FGF14: variants seen among roughly 807,000 people sequenced by gnomAD.
The protein encoded by FGF14 is fibroblast growth factor homologous factor 4.
FGF14 carries 5 observed loss-of-function variants against 25.5 expected under a neutral mutation model. The ratio of observed to expected loss-of-function variants is 0.20; its 90% CI spans 0.10 to 0.41. The LOEUF is 0.41. Among genes scored for constraint, FGF14 ranks in the 10% least tolerant of loss-of-function variants. The pLI is 1.00. For missense variants in FGF14, 222 were observed against 320.1 expected (o/e 0.69, Z 2.34); for synonymous variants, 138 against 118.3 (o/e 1.17, Z -1.08).
intron 1 of FGF14, among the ~76,000 whole-genome samples, chr13:101,979,597 C>CATAAGGG (rs1401253519): frequency 6.6e-6 from 1 of 152,214 alleles, no homozygotes; most frequent in Non-Finnish European, 1.5e-5. Flanking sequence ...ATTGCACAAC[C>CATAAGGG]TTATATCTAG....
intron 1 of FGF14, among the ~76,000 whole-genome samples, chr13:102,313,419 G>A (rs2055870359): frequency 6.6e-6 from 1 of 152,180 alleles, no homozygotes. Context: ...GTTTGTTGGA[G>A]CCAGGGAAGG....
chr13:102,120,395 G>A (rs1363423165), intron 1 of FGF14, among the ~76,000 whole-genome samples: 1 of 152,208 alleles, frequency 6.6e-6, no homozygotes, highest in Admixed American at 6.5e-5. Flanking sequence ...TCAGCGTCAT[G>A]AGTAGTGTTA....
intron 1 of FGF14, among the ~76,000 whole-genome samples, chr13:102,286,111 G>T (rs4771425): frequency 0.78 from 118,976 of 152,080 alleles, 47,325 homozygotes; most frequent in African/African-American, 0.93. Flanking sequence ...GTAGAGGGAG[G>T]TAAGTAGTCT....
At chr13:102,203,821 T>A (rs565946466) in intron 1 of FGF14, among the ~76,000 whole-genome samples, 3 of 152,204 alleles carry the variant, frequency 2.0e-5, no homozygotes, top group Non-Finnish European at 4.4e-5. Flanking sequence ...TACAATTTAA[T>A]GTGATGAGAC....
chr13:102,101,384 G>C (rs181773672), intron 1 of FGF14, among the ~76,000 whole-genome samples: 4 of 152,262 alleles, frequency 2.6e-5, no homozygotes, highest in Non-Finnish European at 5.9e-5. Context: ...ATATGATATA[G>C]TAACCAGAGA....
intron 3 of FGF14, among the ~76,000 whole-genome samples, chr13:101,813,512 T>C (rs1274631049): frequency 1.3e-5 from 2 of 152,186 alleles, no homozygotes; most frequent in African/African-American, 2.4e-5. Flanking sequence ...CAAATGCCAG[T>C]GGCTTGATCT....
chr13:102,297,891 A>G lies in FGF14; in HGVS notation c.208+103580T>C, dbSNP rs752449543. Reference sequence around the variant, plus strand: ...TTTATCTCTTCTGTTTTACAGTTCAATGTGATGGTGCCCGTGGAAAGCTGG... The same window carrying G: ...TTTATCTCTTCTGTTTTACAGTTCAGTGTGATGGTGCCCGTGGAAAGCTGG... On this transcript the variant is annotated intron_variant, in intron 1 of 4. Transcript: ENST00000376131. Among the ~76,000 whole-genome samples, 15 of 152,190 alleles carry G rather than the reference A, an allele frequency of 9.9e-5. No homozygotes were observed. The South Asian group carries it at 2.5e-3, about 25-fold the overall frequency.
intron 1 of FGF14, among the ~76,000 whole-genome samples, chr13:102,374,657 T>TC (rs1470198495): frequency 2.0e-4 from 13 of 65,046 alleles, no homozygotes; most frequent in Admixed American, 1.7e-3. Flanking sequence ...TATATATATA[T>TC]ATATATATAT....
chr13:102,286,933 T>G (rs2054127764), intron 1 of FGF14, among the ~76,000 whole-genome samples: 1 of 151,078 alleles, frequency 6.6e-6, no homozygotes, highest in African/African-American at 2.4e-5. Context: ...TCCCTATCTT[T>G]GACACATACT....
chr13:102,375,955 A>G (rs899505046), intron 1 of FGF14, among the ~76,000 whole-genome samples: 59 of 152,342 alleles, frequency 3.9e-4, no homozygotes, highest in African/African-American at 1.4e-3. Flanking sequence ...TTGAAGCTGT[A>G]GTATCTAGAG....
intron 1 of FGF14, among the ~76,000 whole-genome samples, chr13:102,035,685 TTAA>T (rs1415848431): frequency 6.6e-6 from 1 of 152,228 alleles, no homozygotes; most frequent in Non-Finnish European, 1.5e-5. Flanking sequence ...TAATAACATC[TTAA>T]TAACTTTTAG....
At chr13:101,916,970 G>T (rs978536598), upstream of FGF14, among the ~76,000 whole-genome samples, 1 of 151,814 alleles carries the variant, frequency 6.6e-6, no homozygotes, top group Non-Finnish European at 1.5e-5. Context: ...ACCGCTCGTC[G>T]CAGGAACCCC....
intron 1 of FGF14, among the ~76,000 whole-genome samples, chr13:102,233,860 A>C (rs1360804118): frequency 6.6e-6 from 1 of 152,214 alleles, no homozygotes; most frequent in African/African-American, 2.4e-5. Flanking sequence ...CATCATGCTG[A>C]CTTTTAATGT....
chr13:102,173,214 T>C (rs1438245394), intron 1 of FGF14, among the ~76,000 whole-genome samples: 1 of 152,084 alleles, frequency 6.6e-6, no homozygotes, highest in Non-Finnish European at 1.5e-5. Context: ...GACATACAGA[T>C]AGCCAACAGA....
chr13:102,014,798 GTTC>G (rs1271237802), intron 1 of FGF14, among the ~76,000 whole-genome samples: 1 of 152,070 alleles, frequency 6.6e-6, no homozygotes, highest in Non-Finnish European at 1.5e-5. Flanking sequence ...AATCGCCATG[GTTC>G]TTTGTTGCAG....
chr13:101,863,626 A>C (rs914951722), intron 3 of FGF14, among the ~76,000 whole-genome samples: 1 of 152,124 alleles, frequency 6.6e-6, no homozygotes, highest in Non-Finnish European at 1.5e-5. Flanking sequence ...GTGTACTTAC[A>C]GGTGAGGGAC....
At chr13:102,124,893 T>C (rs1376981084) in intron 1 of FGF14, among the ~76,000 whole-genome samples, 1 of 152,130 alleles carries the variant, frequency 6.6e-6, no homozygotes, top group Admixed American at 6.6e-5. Context: ...CTTCTCTCTA[T>C]ATTGAAAAAT....
At chr13:102,347,025 A>C (rs2057128399) in intron 1 of FGF14, among the ~76,000 whole-genome samples, 1 of 152,204 alleles carries the variant, frequency 6.6e-6, no homozygotes. Context: ...GCATGGTAGG[A>C]GGTCTGGAGC....
upstream of FGF14, among the ~76,000 whole-genome samples, chr13:101,917,704 C>T (rs1295708307): frequency 6.6e-6 from 1 of 152,106 alleles, no homozygotes; most frequent in Non-Finnish European, 1.5e-5. Context: ...GCAGGACCCT[C>T]CCTTCTGCTG....
Sources: allele counts gnomAD v4.1 joint callset (sites outside exome capture counted in the v4.1 genomes callset), GRCh38; gene constraint gnomAD v4.1.1; transcripts MANE v1.5; gene names NCBI Gene and HGNC (gene_info 2026-07-23, HGNC 2026-07-21).